DCLK1: variants seen among roughly 807,000 people sequenced by gnomAD.
The protein encoded by DCLK1 is doublecortin like kinase 1.
DCLK1 carries 16 observed loss-of-function variants against 86.2 expected under a neutral mutation model. The ratio of observed to expected loss-of-function variants is 0.19; its 90% CI spans 0.13 to 0.28. The LOEUF is 0.28. Ranked by LOEUF, DCLK1 falls within the 10% of genes least tolerant of loss-of-function variation. DCLK1 has a pLI of 1.00. For synonymous variants in DCLK1, 369 were observed against 370.5 expected, an observed-to-expected ratio of 1.00 and a Z score of 0.05; for missense variants, 590 against 940.2, an observed-to-expected ratio of 0.63 and a Z score of 4.87.
intron 2 of DCLK1, among the ~76,000 whole-genome samples, chr13:36,114,221 T>C (rs1038206153): frequency 1.3e-5 from 2 of 152,266 alleles, no homozygotes; most frequent in African/African-American, 4.8e-5. Flanking sequence ...AATATCTTCT[T>C]AGATAAAGCA....
chr13:36,011,812 A>T (rs1039566935), intron 3 of DCLK1, among the ~76,000 whole-genome samples: 4 of 149,288 alleles, frequency 2.7e-5, no homozygotes, highest in African/African-American at 7.6e-5. Context: ...CATCTGTCTA[A>T]TGTTGACAGT....
At chr13:35,791,967 T>C (rs965586364) in intron 16 of DCLK1, among the ~76,000 whole-genome samples, 3 of 152,196 alleles carry the variant, frequency 2.0e-5, no homozygotes, top group African/African-American at 7.2e-5. Context: ...AGAATCACTA[T>C]GATATTGTTG....
At chr13:35,955,068 C>G (rs1237094697) in intron 3 of DCLK1, among the ~76,000 whole-genome samples, 2 of 152,120 alleles carry the variant, frequency 1.3e-5, no homozygotes, top group Non-Finnish European at 2.9e-5. Context: ...GCTATTGCAG[C>G]CTTCTGTTGA....
chr13:35,924,587 T>C (rs1593737594), intron 4 of DCLK1, among the ~76,000 whole-genome samples: 1 of 151,998 alleles, frequency 6.6e-6, no homozygotes, highest in Admixed American at 6.6e-5. Flanking sequence ...AAGGTGAAGG[T>C]TGTAGTGAGC....
chr13:35,845,886 C>T (rs1349811465), intron 6 of DCLK1: 2 of 980,952 alleles, frequency 2.0e-6, no homozygotes, highest in African/African-American at 3.5e-5. Flanking sequence ...GAAAGAAACT[C>T]ACTGAACAAC....
intron 3 of DCLK1, among the ~76,000 whole-genome samples, chr13:36,097,161 G>A (rs1233023077): frequency 6.6e-6 from 1 of 152,166 alleles, no homozygotes; most frequent in Admixed American, 6.5e-5. Context: ...ATAGAAAAAT[G>A]AGGTCAACAT....
At chr13:35,891,295 G>A (rs1873630679) in intron 4 of DCLK1, among the ~76,000 whole-genome samples, 1 of 151,980 alleles carries the variant, frequency 6.6e-6, no homozygotes, top group African/African-American at 2.4e-5. Flanking sequence ...AGCCAAGCTG[G>A]ATTATCTATA....
chr13:35,933,663 C>T (rs1876584309), intron 4 of DCLK1, among the ~76,000 whole-genome samples: 1 of 152,178 alleles, frequency 6.6e-6, no homozygotes, highest in African/African-American at 2.4e-5. Context: ...GCTAGAGTGG[C>T]TGGGACACAG....
At chr13:36,040,022 G>C (rs1205161870) in intron 3 of DCLK1, among the ~76,000 whole-genome samples, 7 of 151,464 alleles carry the variant, frequency 4.6e-5, no homozygotes, top group East Asian at 2.0e-4. Flanking sequence ...TCAAACTCCT[G>C]AGTTCAAGTG....
intron 3 of DCLK1, among the ~76,000 whole-genome samples, chr13:36,095,091 A>G (rs930165821): frequency 3.3e-5 from 5 of 152,174 alleles, no homozygotes; most frequent in African/African-American, 1.2e-4. Flanking sequence ...GTCAAGAACC[A>G]GAAATTTCTT....
At chr13:35,791,250 G>T (rs2086703207) in intron 16 of DCLK1, among the ~76,000 whole-genome samples, 2 of 150,880 alleles carry the variant, frequency 1.3e-5, no homozygotes, top group South Asian at 4.2e-4. Flanking sequence ...CAATTATTTT[G>T]AATCTGAATT....
chr13:36,062,563 C>A (rs927898727), intron 3 of DCLK1, among the ~76,000 whole-genome samples: 5 of 152,134 alleles, frequency 3.3e-5, no homozygotes, highest in Non-Finnish European at 7.3e-5. Flanking sequence ...GTTGATGGAT[C>A]CTTAAAATGA....
intron 4 of DCLK1, among the ~76,000 whole-genome samples, chr13:35,886,416 C>T (rs527688453): frequency 8.9e-4 from 136 of 152,218 alleles, no homozygotes; most frequent in African/African-American, 3.2e-3. Flanking sequence ...TAAATATTGG[C>T]AGGCTTTAGA....
At chr13:35,982,569 G>A (rs1428162112) in intron 3 of DCLK1, among the ~76,000 whole-genome samples, 2 of 151,970 alleles carry the variant, frequency 1.3e-5, no homozygotes, top group East Asian at 3.9e-4. Flanking sequence ...GGCCCACAGT[G>A]AGATCACAAT....
At chr13:36,090,770 G>T (rs1407040641) in intron 3 of DCLK1, among the ~76,000 whole-genome samples, 1 of 152,122 alleles carries the variant, frequency 6.6e-6, no homozygotes, top group Non-Finnish European at 1.5e-5. Context: ...CTCTCGTGAG[G>T]TCAGTGAAAG....
intron 3 of DCLK1, among the ~76,000 whole-genome samples, chr13:35,991,495 T>C (rs1880223428): frequency 6.6e-6 from 1 of 151,930 alleles, no homozygotes; most frequent in Non-Finnish European, 1.5e-5. Context: ...ACCTCACCTT[T>C]ATGAAAAATT....
intron 2 of DCLK1, among the ~76,000 whole-genome samples, chr13:36,114,252 A>G (rs1885705171): frequency 6.6e-6 from 1 of 152,244 alleles, no homozygotes; most frequent in African/African-American, 2.4e-5. Flanking sequence ...GTTTAAAAGC[A>G]TAAGAAAGTT....
chr13:35,893,328 T>C (rs1873755806), intron 4 of DCLK1, among the ~76,000 whole-genome samples: 1 of 152,190 alleles, frequency 6.6e-6, no homozygotes, highest in Non-Finnish European at 1.5e-5. Context: ...GAACATCCAC[T>C]GTGTGACATA....
chr13:35,818,071 C>T (rs1325234918), intron 11 of DCLK1, among the ~76,000 whole-genome samples: 1 of 152,124 alleles, frequency 6.6e-6, no homozygotes, highest in Non-Finnish European at 1.5e-5. Context: ...ATGAATAGGG[C>T]AGGATTGGGG....
Sources: gnomAD v4.1 joint callset for allele counts (sites outside exome capture counted in the v4.1 genomes callset) on GRCh38, gnomAD v4.1.1 for gene constraint, MANE v1.5 for transcripts, NCBI Gene and HGNC (gene_info 2026-07-23, HGNC 2026-07-21) for gene names.